The following CA12 variants were observed in gnomAD, a reference collection of about 807,000 sequenced individuals.
CA12 encodes carbonic anhydrase 12, also known as carbonate dehydratase XII.
Under a neutral mutation model 46.8 loss-of-function variants are expected in CA12, and 36 were observed. That is an observed-to-expected ratio of 0.77 (90% CI 0.59 to 1.02). The LOEUF (loss-of-function observed/expected upper bound fraction) is 1.02, where lower values mean the gene tolerates loss of function less well. CA12 is among the 50% of genes least tolerant of loss of function. CA12 has a pLI of 0.00. For synonymous variants in CA12, 202 were observed against 187.0 expected, an observed-to-expected ratio of 1.08 and a Z score of -0.65; for missense variants, 436 against 451.4, an observed-to-expected ratio of 0.97 and a Z score of 0.31.
At position 63,327,652 on chromosome 15, in the gene CA12, T is replaced by G. The variant is rs1700948584; in HGVS notation, c.908-419A>C. Among the ~76,000 whole-genome samples, 1 of 152,140 alleles carries G rather than the reference T, an allele frequency of 6.6e-6. No homozygotes were observed. The highest frequency in any genetic ancestry group is 2.4e-5 in the African/African-American group (1 of 41,424). On this transcript the variant is annotated intron_variant, in intron 9 of 10. Coordinates refer to ENST00000178638, the MANE Select transcript of CA12 (RefSeq NM_001218.5). The surrounding 1 kb of genome is among the most constrained non-coding windows in gnomAD (Gnocchi z 4.5). ...TTTGATAAGCCCTGGGCTACACAAA[T>G]AAGAACTTACTCTGTCTTTGCCTGC...
Position 63,355,852 on chromosome 15 carries a change from A to G in CA12, c.107-9143T>C, listed in dbSNP as rs1442905344. Among the ~76,000 whole-genome samples, 2 of 152,122 alleles carry G rather than the reference A, an allele frequency of 1.3e-5. No individual in the cohort carries two copies. The highest frequency in any genetic ancestry group is 4.8e-5 in the African/African-American group (2 of 41,428). Reference sequence around the variant, plus strand: ...GTGTTAAGTCCACAGCCCTGTAGCCACCGCCCTCGCAAGACATCCTGCTCT... The same window carrying G: ...GTGTTAAGTCCACAGCCCTGTAGCCGCCGCCCTCGCAAGACATCCTGCTCT... On this transcript the variant is annotated intron_variant, in intron 2 of 10. Transcript: ENST00000178638. This position sits in a 1 kb window ranked among gnomAD's most constrained non-coding sequence, Gnocchi z 4.1.
In CA12 at chr15:63,372,436, C is replaced by G. The variant is rs2039519185; in HGVS notation, c.106+3222G>C. 6.6e-6 allele frequency among the ~76,000 whole-genome samples: 1 copy of G among 152,210 alleles called. No individual in the cohort carries two copies. Among genetic ancestry groups the G allele is most frequent in the Non-Finnish European group, 1.5e-5 (1 of 68,028 alleles). On this transcript the variant is annotated intron_variant, in intron 2 of 10. Coordinates refer to ENST00000178638, the MANE Select transcript of CA12 (RefSeq NM_001218.5). This position sits in a 1 kb window ranked among gnomAD's most constrained non-coding sequence, Gnocchi z 4.5. Reference sequence around the variant, plus strand: ...GGGAGGAGCCATCCATGCAGTCAGCCTGGTGACTCAGCTATGAGGATGTAG... The same window carrying G: ...GGGAGGAGCCATCCATGCAGTCAGCGTGGTGACTCAGCTATGAGGATGTAG...
At chr15:63,335,069 G>A (rs1225384488) in intron 8 of CA12, among the ~76,000 whole-genome samples, 1 of 152,192 alleles carries the variant, frequency 6.6e-6, no homozygotes, top group Non-Finnish European at 1.5e-5. Context: ...TTCCATCAGG[G>A]GAAAACTTGC....
At chr15:63,349,715 T>G (rs751937637) in intron 2 of CA12, among the ~76,000 whole-genome samples, 11 of 152,190 alleles carry the variant, frequency 7.2e-5, no homozygotes, top group Non-Finnish European at 1.5e-5. Context: ...TTATGTGTCC[T>G]TCAGTATTTA....
chr15:63,327,242 G>A lies in CA12; in HGVS notation c.908-9C>T, dbSNP rs768885483. On this transcript the variant is annotated splice_polypyrimidine_tract_variant and intron_variant, in intron 9 of 10. Transcript: ENST00000178638. The surrounding 1 kb of genome is among the most constrained non-coding windows in gnomAD (Gnocchi z 4.5). ...CAGTGAGAGGATGATGCCTGGTGAA[G>A]AGGTAGAGGGCACACATTACATTCC... is the stretch of plus-strand genomic sequence containing the variant. 9.9e-6 allele frequency: 16 copies of A among 1,611,034 alleles called. No individual in the cohort carries two copies. The highest frequency in any genetic ancestry group is 3.4e-6 in the Non-Finnish European group (4 of 1,177,624).
rs935234015 is a variant in CA12, at chr15:63,378,298, G to A, written c.86-2620C>T. ...AGCTGCTGGGGAGGCTGAGGCAGGA[G>A]AATTGCTTGAACCCGGGAGGCGGAG... On this transcript the variant is annotated intron_variant, in intron 1 of 10. Transcript: ENST00000178638. This position sits in a 1 kb window ranked among gnomAD's most constrained non-coding sequence, Gnocchi z 4.8. 6.6e-6 allele frequency among the ~76,000 whole-genome samples: 1 copy of A among 152,176 alleles called. No homozygotes were observed. Among genetic ancestry groups the A allele is most frequent in the African/African-American group, 2.4e-5 (1 of 41,432 alleles).
At position 63,323,888 on chromosome 15, in the gene CA12, A is replaced by G; in HGVS notation, c.*2397T>C. 1 of 152,258 alleles carries G rather than the reference A, an allele frequency of 6.6e-6. No homozygotes were observed. The highest frequency in any genetic ancestry group is 1.9e-4 in the East Asian group (1 of 5,204). The allele number at this position is 152,258 out of a possible 1,614,324, so 9.4% of individuals were successfully genotyped here. On this transcript the variant is annotated 3_prime_UTR_variant, in exon 11 of 11. Transcript: ENST00000178638. The surrounding 1 kb of genome is among the most constrained non-coding windows in gnomAD (Gnocchi z 5.1). ...AGAGATTCAAGATCTCACATGAGTG[A>G]GAATCCAGGGCCTTCCCCTCTGGCC...
chr15:63,362,544 T>G (rs2039376949), intron 2 of CA12, among the ~76,000 whole-genome samples: 1 of 152,178 alleles, frequency 6.6e-6, no homozygotes, highest in Non-Finnish European at 1.5e-5. Flanking sequence ...AACTAGCCAT[T>G]TGTGACTTTG....
intron 4 of CA12, 71 bp from the exon 5 acceptor site, chr15:63,342,168 T>C: frequency 1.0e-6 from 1 of 985,340 alleles, no homozygotes; most frequent in Non-Finnish European, 1.6e-6. Flanking sequence ...TGCAGAAGAC[T>C]TGACTCCAAC....
chr15:63,362,782 T>TA lies in CA12; in HGVS notation c.106+12875dup, dbSNP rs201925262. ...TATTATTTAAAGTTTTCCTTTATAG[T>TA]AAAAAAACCACGAAAACAAAAATCT... On this transcript the variant is annotated intron_variant, in intron 2 of 10. Transcript: ENST00000178638. Among the ~76,000 whole-genome samples, 820 of 152,292 alleles carry TA rather than the reference T, an allele frequency of 5.4e-3. 6 individuals carry two copies. The highest frequency in any genetic ancestry group is 0.019 in the African/African-American group (777 of 41,560).
chr15:63,380,913 C>T (rs770438395), intron 1 of CA12, among the ~76,000 whole-genome samples: 48 of 152,174 alleles, frequency 3.2e-4, no homozygotes, highest in Non-Finnish European at 5.9e-4. Context: ...GTTCAGGTCC[C>T]CTCTGCCACC....
chr15:63,347,474 T>C (rs2054884319), intron 2 of CA12, among the ~76,000 whole-genome samples: 1 of 152,028 alleles, frequency 6.6e-6, no homozygotes. Flanking sequence ...TGGAAAAAAA[T>C]ATGACCACAC....
At chr15:63,361,496 G>T (rs1041126434) in intron 2 of CA12, among the ~76,000 whole-genome samples, 2 of 152,168 alleles carry the variant, frequency 1.3e-5, no homozygotes, top group Non-Finnish European at 2.9e-5. Flanking sequence ...AGTGGGCAGA[G>T]GCCAGGGAAT....
At chr15:63,338,489 C>T (rs2039032222) in intron 8 of CA12, among the ~76,000 whole-genome samples, 1 of 152,186 alleles carries the variant, frequency 6.6e-6, no homozygotes, top group South Asian at 2.1e-4. Context: ...GGGTCCTATC[C>T]TGTGTCTTAG....
Position 63,345,645 on chromosome 15 carries a change from C to T in CA12, c.287-26G>A, listed in dbSNP as rs1466348585. Reference sequence around the variant, plus strand: ...CTGCGGGGAGTGGAGGAGCAGCCTTCAGAGCCCCGGCCAGCTGTGCACTGC... The same window carrying T: ...CTGCGGGGAGTGGAGGAGCAGCCTTTAGAGCCCCGGCCAGCTGTGCACTGC... On this transcript the variant is annotated intron_variant, in intron 3 of 10. Coordinates refer to ENST00000178638, the MANE Select transcript of CA12 (RefSeq NM_001218.5). This position sits in a 1 kb window ranked among gnomAD's most constrained non-coding sequence, Gnocchi z 4.3. 3 of 1,606,030 alleles carry T rather than the reference C, an allele frequency of 1.9e-6. No homozygotes were observed. The highest frequency in any genetic ancestry group is 2.5e-6 in the Non-Finnish European group (3 of 1,178,702).
rs1304980736 is a variant in CA12, at chr15:63,327,946, A to T, written c.907+152T>A. ...TTGATTGGCAGTTCATCTTTGAATC[A>T]CAGAGCGACTTGAGGGTAAGACCCA... On this transcript the variant is annotated intron_variant, in intron 9 of 10. Transcript: ENST00000178638. This position sits in a 1 kb window ranked among gnomAD's most constrained non-coding sequence, Gnocchi z 4.5. 1 of 717,682 alleles carries T rather than the reference A, an allele frequency of 1.4e-6. No individual in the cohort carries two copies. Among genetic ancestry groups the T allele is most frequent in the African/African-American group, 1.7e-5 (1 of 57,582 alleles). 44.5% of individuals were successfully genotyped at this position (717,682 alleles called of 1,614,324 possible).
chr15:63,342,518 C>T (rs899552420), intron 4 of CA12, among the ~76,000 whole-genome samples: 4 of 152,180 alleles, frequency 2.6e-5, no homozygotes, highest in African/African-American at 9.7e-5. Context: ...AGGAAGAATA[C>T]AAGTAGCAGG....
In CA12 at chr15:63,347,098, T is replaced by C. The variant is rs910608529; in HGVS notation, c.107-389A>G. On this transcript the variant is annotated intron_variant, in intron 2 of 10. Coordinates refer to ENST00000178638, the MANE Select transcript of CA12 (RefSeq NM_001218.5). ...CTTGGGGCTGCCAGGTTGAATACAA[T>C]AGAGCCCCTGCTCATCCAAGCTGGC... Among the ~76,000 whole-genome samples the C allele has an allele frequency of 2.0e-5, 3 of 152,214 alleles. 1 individual carries two copies. Among genetic ancestry groups the C allele is most frequent in the East Asian group, 3.8e-4 (2 of 5,202 alleles).
At chr15:63,368,102 T>C (rs2039458085) in intron 2 of CA12, among the ~76,000 whole-genome samples, 1 of 152,232 alleles carries the variant, frequency 6.6e-6, no homozygotes, top group South Asian at 2.1e-4. Context: ...TTCTGTGTGT[T>C]CTTAGCATCT....
Sources: gnomAD v4.1 joint callset for allele counts (sites outside exome capture counted in the v4.1 genomes callset) on GRCh38, gnomAD v4.1.1 for gene constraint, Gnocchi (gnomAD v3.1) non-coding constraint, MANE v1.5 for transcripts, NCBI Gene and HGNC (gene_info 2026-07-23, HGNC 2026-07-21) for gene names.